Variants in PPP3CA observed in about 807,000 individuals in gnomAD.
The protein encoded by PPP3CA is CAM-PRP catalytic subunit.
PPP3CA carries 14 observed loss-of-function variants against 66.5 expected under a neutral mutation model. That is an observed-to-expected ratio of 0.21 (90% CI 0.14 to 0.33). The LOEUF is 0.33. Among genes scored for constraint, PPP3CA ranks in the 10% least tolerant of loss-of-function variants. PPP3CA has a pLI of 1.00. For missense variants in PPP3CA, 317 were observed against 639.5 expected, an observed-to-expected ratio of 0.50 and a Z score of 5.44; for synonymous variants, 232 against 226.2, an observed-to-expected ratio of 1.03 and a Z score of -0.23.
intron 1 of PPP3CA, among the ~76,000 whole-genome samples, chr4:101,283,100 C>T (rs1727738363): frequency 6.6e-6 from 1 of 152,264 alleles, no homozygotes; most frequent in Non-Finnish European, 1.5e-5. Context: ...TCAAAACCTG[C>T]ACTACTCAGT....
At chr4:101,125,723 G>C (rs1722225229) in intron 2 of PPP3CA, among the ~76,000 whole-genome samples, 1 of 152,130 alleles carries the variant, frequency 6.6e-6, no homozygotes, top group African/African-American at 2.4e-5. Context: ...TAGAGGTCAG[G>C]TTCTTACTTC....
intron 2 of PPP3CA, among the ~76,000 whole-genome samples, chr4:101,180,957 TG>T (rs34838827): frequency 3.9e-5 from 6 of 152,044 alleles, no homozygotes; most frequent in African/African-American, 1.4e-4. Context: ...GAAGTTGATA[TG>T]GGAGGGTCGC....
intron 2 of PPP3CA, among the ~76,000 whole-genome samples, chr4:101,114,953 A>G (rs1269091075): frequency 6.6e-6 from 1 of 152,086 alleles, no homozygotes; most frequent in African/African-American, 2.4e-5. Context: ...AGTACATACA[A>G]ACAAAACATA....
At chr4:101,308,777 C>A (rs972620246) in intron 1 of PPP3CA, among the ~76,000 whole-genome samples, 1 of 152,086 alleles carries the variant, frequency 6.6e-6, no homozygotes, top group Non-Finnish European at 1.5e-5. Context: ...TTTGTAGTCA[C>A]AAAAAATTTC....
chr4:101,109,308 TA>T (rs70961775), intron 2 of PPP3CA, among the ~76,000 whole-genome samples: 23,482 of 90,740 alleles, frequency 0.26, 2,885 homozygotes, highest in East Asian at 0.49. Flanking sequence ...ACAGATTAAC[TA>T]AAAAAAAAAA....
intron 5 of PPP3CA, among the ~76,000 whole-genome samples, chr4:101,098,017 G>A (rs1467977140): frequency 1.3e-5 from 2 of 152,066 alleles, no homozygotes; most frequent in Non-Finnish European, 2.9e-5. Context: ...TTTCCCAAGG[G>A]CAAAGCAACA....
At chr4:101,080,036 C>CT (rs1056443762) in intron 8 of PPP3CA, among the ~76,000 whole-genome samples, 4 of 151,890 alleles carry the variant, frequency 2.6e-5, no homozygotes, top group African/African-American at 4.8e-5. Flanking sequence ...TTGAAGTTTA[C>CT]TTTTTTTTGC....
chr4:101,283,107 C>T (rs1003691252), intron 1 of PPP3CA, among the ~76,000 whole-genome samples: 1 of 152,176 alleles, frequency 6.6e-6, no homozygotes, highest in African/African-American at 2.4e-5. Flanking sequence ...CTGCACTACT[C>T]AGTTTTCTCA....
chr4:101,035,920 C>T (rs1447316941), intron 11 of PPP3CA, among the ~76,000 whole-genome samples: 7 of 152,186 alleles, frequency 4.6e-5, no homozygotes, highest in Admixed American at 1.3e-4. Context: ...CCTTCTCCTT[C>T]TCTGACATCT....
chr4:101,233,331 T>C (rs906776393), intron 1 of PPP3CA, among the ~76,000 whole-genome samples: 2 of 151,688 alleles, frequency 1.3e-5, no homozygotes, highest in African/African-American at 4.8e-5. Flanking sequence ...TCCACAAAAG[T>C]CCAGGGCAAA....
chr4:101,087,066 A>C (rs1026244212), intron 6 of PPP3CA, among the ~76,000 whole-genome samples: 1 of 152,164 alleles, frequency 6.6e-6, no homozygotes, highest in African/African-American at 2.4e-5. Context: ...GTAATAGGGA[A>C]GACCCTGCCT....
chr4:101,146,181 C>T (rs1356935845), intron 2 of PPP3CA, among the ~76,000 whole-genome samples: 1 of 152,154 alleles, frequency 6.6e-6, no homozygotes, highest in Admixed American at 6.5e-5. Context: ...TCCCTAAAAG[C>T]CTGAAATCCA....
rs534389131 is a variant in PPP3CA at position 101,201,533 on chromosome 4, C to T, written c.59-5417G>A. Among the ~76,000 whole-genome samples, 10 of 152,302 alleles carry T rather than the reference C, an allele frequency of 6.6e-5. No homozygotes were observed. In the South Asian group the frequency reaches 2.1e-3, roughly 32 times the overall value. On this transcript the variant is annotated intron_variant, in intron 1 of 13. Transcript: ENST00000394854. The stretch of plus-strand genomic sequence containing the variant: ...AAGTAAACGCATACAAAATGCTGGG[C>T]ACTTTAATTTTCCCTCTTAACAAGC...
chr4:101,193,258 A>G (rs566635690), intron 2 of PPP3CA, among the ~76,000 whole-genome samples: 2 of 152,342 alleles, frequency 1.3e-5, no homozygotes, highest in South Asian at 4.1e-4. Context: ...ATTAAATTGG[A>G]TCACCAAAAT....
intron 1 of PPP3CA, among the ~76,000 whole-genome samples, chr4:101,316,255 A>G (rs1267615664): frequency 6.6e-6 from 1 of 151,248 alleles, no homozygotes; most frequent in Non-Finnish European, 1.5e-5. Context: ...AACTTGCCAC[A>G]GGAATTTGCA....
intron 1 of PPP3CA, among the ~76,000 whole-genome samples, chr4:101,297,558 C>G (rs920559): frequency 0.35 from 52,654 of 151,924 alleles, 13,515 homozygotes; most frequent in African/African-American, 0.7. Context: ...ATTGTACCTG[C>G]GATGTCAGGA....
At chr4:101,179,849 T>C (rs967020157) in intron 2 of PPP3CA, among the ~76,000 whole-genome samples, 2 of 152,198 alleles carry the variant, frequency 1.3e-5, no homozygotes, top group Non-Finnish European at 2.9e-5. Context: ...CCACCATCAC[T>C]GTCCTAAATT....
At chr4:101,337,322 T>C (rs1729663089) in intron 1 of PPP3CA, among the ~76,000 whole-genome samples, 1 of 152,258 alleles carries the variant, frequency 6.6e-6, no homozygotes, top group Non-Finnish European at 1.5e-5. Flanking sequence ...TTGAAGCCTC[T>C]AGTTAAATCA....
chr4:101,161,530 G>T (rs1445893000), intron 2 of PPP3CA, among the ~76,000 whole-genome samples: 1 of 152,126 alleles, frequency 6.6e-6, no homozygotes, highest in Non-Finnish European at 1.5e-5. Flanking sequence ...TAAGCTGTCT[G>T]CTGCCAAATG....
Sources: allele counts gnomAD v4.1 joint callset (sites outside exome capture counted in the v4.1 genomes callset), GRCh38; gene constraint gnomAD v4.1.1; transcripts MANE v1.5; gene names NCBI Gene and HGNC (gene_info 2026-07-23, HGNC 2026-07-21).